RPA1: variants seen among roughly 807,000 people sequenced by gnomAD.
RPA1 encodes the protein replication protein A 70 kDa DNA-binding subunit.
Under a neutral mutation model 83.0 loss-of-function variants are expected in RPA1, and 49 were observed. The ratio of observed to expected loss-of-function variants is 0.59; its 90% confidence interval spans 0.47 to 0.75. The LOEUF (loss-of-function observed/expected upper bound fraction) is 0.75. RPA1 is among the 30% of genes least tolerant of loss of function. The pLI is 0.00. For synonymous variants in RPA1, 279 were observed against 281.8 expected, an observed-to-expected ratio of 0.99 and a Z score of 0.10; for missense variants, 693 against 776.1, an observed-to-expected ratio of 0.89 and a Z score of 1.27.
intron 5 of RPA1, among the ~76,000 whole-genome samples, chr17:1,854,995 G>GAAC (rs1912636759): frequency 6.6e-6 from 1 of 152,116 alleles, no homozygotes; most frequent in Non-Finnish European, 1.5e-5. Flanking sequence ...GTTAACTGTA[G>GAAC]GGTTTTCTTA....
intron 12 of RPA1, among the ~76,000 whole-genome samples, chr17:1,883,596 A>G (rs1913879740): frequency 6.6e-6 from 1 of 152,180 alleles, no homozygotes; most frequent in Admixed American, 6.5e-5. Context: ...AGCCTGGGTG[A>G]CAGAGTGAAA....
intron 6 of RPA1, among the ~76,000 whole-genome samples, chr17:1,873,723 T>G (rs1268806451): frequency 1.3e-5 from 2 of 152,050 alleles, no homozygotes; most frequent in Non-Finnish European, 2.9e-5. Context: ...GCTTGGTGGC[T>G]CACGCTTATA....
intron 5 of RPA1, among the ~76,000 whole-genome samples, chr17:1,862,224 C>T (rs576951941): frequency 3.8e-4 from 41 of 106,830 alleles, no homozygotes; most frequent in African/African-American, 1.3e-3. Context: ...TTTTTTGTAG[C>T]GATGGAGTCT....
Position 1,853,082 on chromosome 17 carries a change from TG to T in RPA1, c.273-18del. 6.2e-7 allele frequency: 1 copy of T among 1,609,958 alleles called. No individual in the cohort carries two copies. Among genetic ancestry groups the T allele is most frequent in the African/African-American group, 1.3e-5 (1 of 74,968 alleles). On this transcript the variant is annotated intron_variant, in intron 4 of 16. Coordinates refer to ENST00000254719, the MANE Select transcript of RPA1 (RefSeq NM_002945.5). ...AGAATTTGTTTTTCTAACCTGTTTC[TG>T]TTTGTCTGCTTTTGCAGGAGAGTAG...
Position 1,895,218 on chromosome 17 carries a change from T to G in RPA1, c.1746+123T>G, listed in dbSNP as rs1914359944. The G allele has an allele frequency of 9.1e-6, 6 of 658,148 alleles. No homozygotes were observed. In the South Asian group the frequency reaches 1.2e-4, roughly 13 times the overall value. The allele number at this position is 658,148 out of a possible 1,614,324, so 40.8% of individuals were successfully genotyped here. A position where few individuals can be genotyped will look rare whatever the true frequency, so the allele number is the denominator to read the frequency against. ...CACTGCCAGACCCCGGTGCTGACTT[T>G]GCCCAACACAGGTGCTGTTATGATC... On this transcript the variant is annotated intron_variant, in intron 16 of 16. Coordinates refer to ENST00000254719, the MANE Select transcript of RPA1 (RefSeq NM_002945.5).
At chr17:1,833,723 G>A (rs567730770) in intron 1 of RPA1, among the ~76,000 whole-genome samples, 1 of 152,096 alleles carries the variant, frequency 6.6e-6, no homozygotes, top group African/African-American at 2.4e-5. Context: ...GTGTGGGGGC[G>A]CATGCCTGGA....
intron 4 of RPA1, among the ~76,000 whole-genome samples, chr17:1,846,548 C>T (rs1912265322): frequency 6.6e-6 from 1 of 152,002 alleles, no homozygotes. Flanking sequence ...TCTCGATCTC[C>T]TGACCTCGTG....
chr17:1,856,935 C>T (rs1310325703), intron 5 of RPA1, among the ~76,000 whole-genome samples: 3 of 151,846 alleles, frequency 2.0e-5, no homozygotes. Flanking sequence ...TTGATTTTCT[C>T]TTATGTTTTG....
intron 15 of RPA1, 21 bp from the exon 16 acceptor site, chr17:1,894,988 G>A: frequency 6.2e-7 from 1 of 1,606,902 alleles, no homozygotes; most frequent in Admixed American, 1.7e-5. Context: ...CATGTGTCAA[G>A]TTTTATGTTT....
intron 5 of RPA1, chr17:1,858,088 A>G (rs1912783677): frequency 3.1e-6 from 5 of 1,613,422 alleles, no homozygotes; most frequent in East Asian, 2.2e-5. Context: ...AACCAGGACA[A>G]CCACTCCAGA....
intron 1 of RPA1, among the ~76,000 whole-genome samples, chr17:1,836,830 T>TAA (rs34257982): frequency 7.2e-6 from 1 of 138,112 alleles, no homozygotes; most frequent in Non-Finnish European, 1.6e-5. Flanking sequence ...CTTGGCTAAT[T>TAA]AAAAAAAAAT....
intron 13 of RPA1, among the ~76,000 whole-genome samples, chr17:1,885,859 T>C (rs940659446): frequency 2.0e-5 from 3 of 152,256 alleles, no homozygotes; most frequent in African/African-American, 7.2e-5. Context: ...TCTCTTAGAC[T>C]TAAAAAGTCA....
chr17:1,883,890 C>A lies in RPA1; in HGVS notation c.1320C>A (p.Thr440=). 6.2e-7 allele frequency: 1 copy of A among 1,614,088 alleles called. No homozygotes were observed. Among genetic ancestry groups the A allele is most frequent in the Non-Finnish European group, 8.5e-7 (1 of 1,180,006 alleles). Residue 440 remains threonine (T), a synonymous_variant, in exon 13 of 17, where the codon ACC becomes ACA. Coordinates refer to ENST00000254719, the MANE Select transcript of RPA1 (RefSeq NM_002945.5). ...GCGGCGGAGTCGGAGGGAGTAACAC[C>A]AACTGGAAAACCTTGTATGAGGTCA... ...LKSGGVGGSN[T]NWKTLYEVKS...
intron 14 of RPA1, among the ~76,000 whole-genome samples, chr17:1,890,794 T>G (rs1914175378): frequency 6.6e-6 from 1 of 152,246 alleles, no homozygotes; most frequent in African/African-American, 2.4e-5. Context: ...AAAATTTGTT[T>G]TAGTTTGTGG....
chr17:1,877,844 A>G (rs1913627709), intron 8 of RPA1, among the ~76,000 whole-genome samples: 1 of 152,216 alleles, frequency 6.6e-6, no homozygotes. Context: ...CTTTATTTAA[A>G]CTAAACAAAA....
chr17:1,859,782 C>T (rs1168261377), intron 5 of RPA1, among the ~76,000 whole-genome samples: 1 of 152,084 alleles, frequency 6.6e-6, no homozygotes, highest in Non-Finnish European at 1.5e-5. Context: ...AGGCATGTGC[C>T]ACCACGCCCA....
Position 1,897,322 on chromosome 17 carries a change from CAG to C in RPA1, c.*149_*150del. The C allele has an allele frequency of 1.6e-6, 1 of 627,590 alleles. No individual in the cohort carries two copies. Among genetic ancestry groups the C allele is most frequent in the Non-Finnish European group, 2.8e-6 (1 of 361,592 alleles). 38.9% of individuals were successfully genotyped at this position (627,590 alleles called of 1,614,324 possible). Reference sequence around the variant, plus strand: ...GCAATTTCCCCCCTCGTGCGCATCTCAGAACCCATCGGTAGGCAAAGGAAAAT... The same window carrying C: ...GCAATTTCCCCCCTCGTGCGCATCTCAACCCATCGGTAGGCAAAGGAAAAT... On this transcript the variant is annotated 3_prime_UTR_variant, in exon 17 of 17. Coordinates refer to ENST00000254719, the MANE Select transcript of RPA1 (RefSeq NM_002945.5).
intron 5 of RPA1, among the ~76,000 whole-genome samples, chr17:1,866,545 G>T (rs1394732259): frequency 6.6e-6 from 1 of 152,226 alleles, no homozygotes; most frequent in African/African-American, 2.4e-5. Flanking sequence ...TCGAACTCCT[G>T]ACTTCAAGTG....
intron 4 of RPA1, among the ~76,000 whole-genome samples, chr17:1,851,751 C>A (rs893813910): frequency 3.3e-5 from 5 of 152,074 alleles, no homozygotes; most frequent in African/African-American, 9.7e-5. Flanking sequence ...ATATCTGCCA[C>A]TAAGTATCAG....
Sources: gnomAD v4.1 joint callset for allele counts (sites outside exome capture counted in the v4.1 genomes callset) on GRCh38, gnomAD v4.1.1 for gene constraint, MANE v1.5 for transcripts, NCBI Gene and HGNC (gene_info 2026-07-23, HGNC 2026-07-21) for gene names.